Variants in TMEM242 observed in about 807,000 individuals in gnomAD.
TMEM242 encodes the protein transmembrane protein 242, also known as UPF0463 transmembrane protein C6orf35.
In TMEM242, 10 loss-of-function variants were observed where a neutral mutation model predicts 18.2. The ratio of observed to expected loss-of-function variants is 0.55; its 90% CI spans 0.34 to 0.93. TMEM242 has a LOEUF of 0.93. Ranked by LOEUF, TMEM242 falls within the 40% of genes least tolerant of loss-of-function variation. TMEM242 has a pLI of 0.02. For synonymous variants in TMEM242, 57 were observed against 69.9 expected (o/e 0.81, Z 0.92); for missense variants, 186 against 175.5 (o/e 1.06, Z -0.34).
At chr6:157,310,503 C>T (rs1583562399) in intron 3 of TMEM242, among the ~76,000 whole-genome samples, 1 of 128,190 alleles carries the variant, frequency 7.8e-6, no homozygotes, top group African/African-American at 3.1e-5. Flanking sequence ...TCATAGTGTC[C>T]CAGTGTACAC....
chr6:157,310,891 C>G (rs1583563452), intron 3 of TMEM242, among the ~76,000 whole-genome samples: 3 of 148,522 alleles, frequency 2.0e-5, no homozygotes, highest in South Asian at 2.1e-4. Flanking sequence ...TGTGCACTCA[C>G]CTAGCCTCAT....
At chr6:157,312,985 T>C (rs1778232568) in intron 3 of TMEM242, among the ~76,000 whole-genome samples, 12 of 122,880 alleles carry the variant, frequency 9.8e-5, no homozygotes, top group Non-Finnish European at 1.7e-4. Flanking sequence ...TGCGCTCACC[T>C]AGCCTCATCA....
intron 3 of TMEM242, among the ~76,000 whole-genome samples, chr6:157,315,787 G>A (rs1442002090): frequency 2.6e-5 from 4 of 152,158 alleles, no homozygotes; most frequent in African/African-American, 9.7e-5. Context: ...TCAGTGCTGG[G>A]CAAACGTATC....
chr6:157,302,712 C>CA (rs1335920723), intron 3 of TMEM242, among the ~76,000 whole-genome samples: 18 of 152,234 alleles, frequency 1.2e-4, no homozygotes, highest in Non-Finnish European at 7.3e-5. Flanking sequence ...TATAGCTAGA[C>CA]AGCTCCCTAG....
intron 3 of TMEM242, chr6:157,299,750 G>C: frequency 6.2e-7 from 1 of 1,601,010 alleles, no homozygotes; most frequent in Non-Finnish European, 8.6e-7. Flanking sequence ...GCTGGAGTTT[G>C]CTGTGACAAG....
At chr6:157,317,936 C>T (rs186565568) in intron 3 of TMEM242, among the ~76,000 whole-genome samples, 4 of 152,268 alleles carry the variant, frequency 2.6e-5, no homozygotes, top group East Asian at 1.9e-4. Context: ...TCACCAGTCA[C>T]GAAGGGTCCG....
chr6:157,311,424 AT>A (rs1778088536), intron 3 of TMEM242, among the ~76,000 whole-genome samples: 4 of 40,050 alleles, frequency 1.0e-4, no homozygotes, highest in East Asian at 7.0e-4. Context: ...GTGTGCACGC[AT>A]ACGGCCTCAT....
Position 157,292,719 on chromosome 6 carries a change from C to T in TMEM242, c.*182G>A. 2 of 431,936 alleles carry T rather than the reference C, an allele frequency of 4.6e-6. No homozygotes were observed. Among genetic ancestry groups the T allele is most frequent in the South Asian group, 7.7e-5 (1 of 12,974 alleles). 26.8% of individuals were successfully genotyped at this position (431,936 alleles called of 1,614,324 possible). A position where few individuals can be genotyped will look rare whatever the true frequency, so the allele number is the denominator to read the frequency against. Reference sequence around the variant, plus strand: ...CTTCTTAACTGTGGGAAAACTTTACCCTCCCCCAGCACGCACACACATACT... The same window carrying T: ...CTTCTTAACTGTGGGAAAACTTTACTCTCCCCCAGCACGCACACACATACT... On this transcript the variant is annotated 3_prime_UTR_variant, in exon 4 of 4. Coordinates refer to ENST00000400788, the MANE Select transcript of TMEM242 (RefSeq NM_018452.6).
At position 157,302,840 on chromosome 6, in the gene TMEM242, C is replaced by G. The variant is rs144152630; in HGVS notation, c.328-9841G>C. On this transcript the variant is annotated intron_variant, in intron 3 of 3. Coordinates refer to ENST00000400788, the MANE Select transcript of TMEM242 (RefSeq NM_018452.6). The stretch of plus-strand genomic sequence containing the variant: ...TGGCAGGATTACACCTCAGTACTTT[C>G]GGTTGTACCACTTAGGAGGGAGGAA... Among the ~76,000 whole-genome samples the G allele has an allele frequency of 1.6e-3, 244 of 152,294 alleles. 2 individuals are homozygous for G. Among genetic ancestry groups the G allele is most frequent in the African/African-American group, 5.8e-3 (241 of 41,552 alleles).
chr6:157,321,078 G>A (rs1177073027), intron 2 of TMEM242, among the ~76,000 whole-genome samples: 10 of 145,642 alleles, frequency 6.9e-5, no homozygotes, highest in East Asian at 4.0e-4. Flanking sequence ...GCGAAATCTC[G>A]GCTTACTGCA....
rs868971509 is a variant in TMEM242, at chr6:157,312,897, T to C, written c.327+5885A>G. Reference sequence around the variant, plus strand: ...GTGCACTCACCTAGCCTCATCATAGTGTCCCACTGTGCGCTCACCCGGCAT... The same window carrying C: ...GTGCACTCACCTAGCCTCATCATAGCGTCCCACTGTGCGCTCACCCGGCAT... On this transcript the variant is annotated intron_variant, in intron 3 of 3. Coordinates refer to ENST00000400788, the MANE Select transcript of TMEM242 (RefSeq NM_018452.6). 6.8e-3 allele frequency among the ~76,000 whole-genome samples: 1,033 copies of C among 151,740 alleles called. 15 individuals carry two copies. The highest frequency in any genetic ancestry group is 0.024 in the African/African-American group (966 of 41,074).
chr6:157,309,397 T>C (rs1554248138), intron 3 of TMEM242, among the ~76,000 whole-genome samples: 1 of 152,142 alleles, frequency 6.6e-6, no homozygotes, highest in Non-Finnish European at 1.5e-5. Flanking sequence ...ACTGTTTTTG[T>C]TTGTTTTTAA....
intron 3 of TMEM242, chr6:157,318,546 T>C (rs2128417839): frequency 7.7e-6 from 4 of 521,204 alleles, no homozygotes; most frequent in South Asian, 6.4e-5. Context: ...TATAGAACAT[T>C]AGCTATAAAT....
At chr6:157,304,573 C>T (rs1057051383) in intron 3 of TMEM242, among the ~76,000 whole-genome samples, 1 of 150,394 alleles carries the variant, frequency 6.6e-6, no homozygotes, top group Non-Finnish European at 1.5e-5. Context: ...TACTAAACAC[C>T]TACAATGCAT....
chr6:157,305,092 C>T lies in TMEM242; in HGVS notation c.328-12093G>A, dbSNP rs1470317254. 3.9e-5 allele frequency among the ~76,000 whole-genome samples: 6 copies of T among 152,168 alleles called. No individual in the cohort carries two copies. Among genetic ancestry groups the T allele is most frequent in the Admixed American group, 6.5e-5 (1 of 15,290 alleles). ...AATAAGGAAGTAGCATGATCTGACT[C>T]ACATTTTTAAAATATCTCTGGCTGC... On this transcript the variant is annotated intron_variant, in intron 3 of 3. Coordinates refer to ENST00000400788, the MANE Select transcript of TMEM242 (RefSeq NM_018452.6). The surrounding 1 kb of genome is among the most constrained non-coding windows in gnomAD (Gnocchi z 4.1).
intron 3 of TMEM242, among the ~76,000 whole-genome samples, chr6:157,293,641 A>C (rs958029956): frequency 8.5e-5 from 13 of 152,116 alleles, no homozygotes; most frequent in Non-Finnish European, 1.9e-4. Context: ...GAATGTTCTT[A>C]TGTGCAAGAC....
At position 157,292,751 on chromosome 6, in the gene TMEM242, T is replaced by C. The variant is rs11546308; in HGVS notation, c.*150A>G. ...CAGCACGCACACACATACTCTCCTG[T>C]GATGAGGCTGAATGCTATCCAGTGC... On this transcript the variant is annotated 3_prime_UTR_variant, in exon 4 of 4. Transcript: ENST00000400788. 1 of 600,798 alleles carries C rather than the reference T, an allele frequency of 1.7e-6. No homozygotes were observed. The highest frequency in any genetic ancestry group is 1.8e-5 in the African/African-American group (1 of 54,834). 37.2% of individuals were successfully genotyped at this position (600,798 alleles called of 1,614,324 possible).
chr6:157,318,579 G>C, intron 3 of TMEM242: 1 of 553,974 alleles, frequency 1.8e-6, no homozygotes, highest in Non-Finnish European at 3.1e-6. Flanking sequence ...AATTATATTT[G>C]AAGTTTTACC....
rs1224510990 is a variant in TMEM242, at chr6:157,311,135, T to G, written c.327+7647A>C. Among the ~76,000 whole-genome samples the G allele has an allele frequency of 5.2e-4, 77 of 149,418 alleles. 7 individuals carry two copies. Among genetic ancestry groups the G allele is most frequent in the African/African-American group, 1.8e-3 (72 of 39,704 alleles). On this transcript the variant is annotated intron_variant, in intron 3 of 3. Coordinates refer to ENST00000400788, the MANE Select transcript of TMEM242 (RefSeq NM_018452.6). Reference sequence around the variant, plus strand: ...GTGCACTCACCTAGCCCCATCATAGTGTCCCAGTGTGCACTCACCTAGCCC... The same window carrying G: ...GTGCACTCACCTAGCCCCATCATAGGGTCCCAGTGTGCACTCACCTAGCCC...
Sources: gnomAD v4.1 joint callset for allele counts (sites outside exome capture counted in the v4.1 genomes callset) on GRCh38, gnomAD v4.1.1 for gene constraint, Gnocchi (gnomAD v3.1) non-coding constraint, MANE v1.5 for transcripts, NCBI Gene and HGNC (gene_info 2026-07-23, HGNC 2026-07-21) for gene names.